CRADD: variants seen among roughly 807,000 people sequenced by gnomAD.
CRADD encodes CARD and death domain containing adaptor protein, also known as death domain-containing protein CRADD.
A neutral mutation model predicts 15.5 loss-of-function variants in CRADD; 9 were observed. The ratio of observed to expected loss-of-function variants is 0.58; its 90% confidence interval spans 0.35 to 1.01. The LOEUF is 1.01. CRADD is among the 50% of genes least tolerant of loss of function. CRADD has a pLI of 0.02. For missense variants in CRADD, 227 were observed against 250.3 expected, an observed-to-expected ratio of 0.91 and a Z score of 0.63; for synonymous variants, 118 against 107.6, an observed-to-expected ratio of 1.10 and a Z score of -0.60.
chr12:93,710,130 A>C (rs931431380), intron 2 of CRADD, among the ~76,000 whole-genome samples: 6 of 152,106 alleles, frequency 3.9e-5, no homozygotes, highest in African/African-American at 1.4e-4. Flanking sequence ...TGCTAGCATC[A>C]CTAATACAGC....
intron 2 of CRADD, among the ~76,000 whole-genome samples, chr12:93,700,736 G>A (rs1282063015): frequency 6.6e-6 from 1 of 152,096 alleles, no homozygotes; most frequent in Non-Finnish European, 1.5e-5. Flanking sequence ...GGTCCAGTTT[G>A]TTTTTTAATG....
chr12:93,861,896 T>C (rs1025297485), intron 2 of CRADD, among the ~76,000 whole-genome samples: 7 of 152,168 alleles, frequency 4.6e-5, no homozygotes, highest in African/African-American at 1.7e-4. Flanking sequence ...CCTTGAATTG[T>C]AATAATCCCC....
At chr12:93,811,270 C>T (rs945117040) in intron 2 of CRADD, among the ~76,000 whole-genome samples, 3 of 152,208 alleles carry the variant, frequency 2.0e-5, no homozygotes, top group Non-Finnish European at 2.9e-5. Context: ...GCCAGATTCA[C>T]AGTGCCTTAC....
chr12:93,757,983 T>G (rs1303555692), intron 2 of CRADD, among the ~76,000 whole-genome samples: 1 of 152,162 alleles, frequency 6.6e-6, no homozygotes, highest in African/African-American at 2.4e-5. Flanking sequence ...CAGCATACAT[T>G]GGAAGAAGAG....
At chr12:93,711,712 C>T (rs898687406) in intron 2 of CRADD, among the ~76,000 whole-genome samples, 3 of 151,404 alleles carry the variant, frequency 2.0e-5, no homozygotes, top group African/African-American at 7.3e-5. Context: ...ATTCAAGCCT[C>T]AGCCCAGAGG....
chr12:93,812,670 A>T (rs1369601942), intron 2 of CRADD, among the ~76,000 whole-genome samples: 3 of 152,242 alleles, frequency 2.0e-5, no homozygotes, highest in Non-Finnish European at 4.4e-5. Flanking sequence ...TACCCTTTAT[A>T]ACCAGGGATT....
intron 2 of CRADD, among the ~76,000 whole-genome samples, chr12:93,863,753 A>G (rs1477986017): frequency 6.6e-6 from 1 of 152,246 alleles, no homozygotes; most frequent in Non-Finnish European, 1.5e-5. Context: ...CCAAAATACC[A>G]GTAACACCCC....
At chr12:93,707,958 A>G (rs369257592) in intron 2 of CRADD, 1 of 152,236 alleles carries the variant, frequency 6.6e-6, no homozygotes, top group Non-Finnish European at 1.5e-5. Context: ...TGGAGACTCT[A>G]AAAGTGGCAT....
At chr12:93,860,413 C>A (rs1355950097) in intron 2 of CRADD, among the ~76,000 whole-genome samples, 2 of 152,170 alleles carry the variant, frequency 1.3e-5, no homozygotes, top group Admixed American at 1.3e-4. Context: ...TTTTGAGCAC[C>A]TGCCATGTGC....
intron 2 of CRADD, among the ~76,000 whole-genome samples, chr12:93,866,560 T>A (rs78758632): frequency 0.01 from 1,535 of 152,326 alleles, 33 homozygotes; most frequent in African/African-American, 0.035. Flanking sequence ...TCTTTGTTTT[T>A]AGTCTCTGCC....
chr12:93,766,766 T>C (rs1283169419), intron 2 of CRADD, among the ~76,000 whole-genome samples: 3 of 152,232 alleles, frequency 2.0e-5, no homozygotes, highest in Admixed American at 6.5e-5. Flanking sequence ...TGCTGGAAGA[T>C]AAAGAGTCAG....
chr12:93,797,465 G>C (rs1216453982), intron 2 of CRADD, among the ~76,000 whole-genome samples: 1 of 152,208 alleles, frequency 6.6e-6, no homozygotes, highest in Non-Finnish European at 1.5e-5. Flanking sequence ...AGGAATGAAG[G>C]AGGCCCTGAG....
chr12:93,887,160 A>G (rs1034184606), intron 2 of CRADD, among the ~76,000 whole-genome samples: 1 of 152,194 alleles, frequency 6.6e-6, no homozygotes, highest in Non-Finnish European at 1.5e-5. Context: ...TCTGTGGGGA[A>G]ATATGAGAAT....
At chr12:93,880,380 A>C (rs903039142) in intron 2 of CRADD, among the ~76,000 whole-genome samples, 28 of 152,158 alleles carry the variant, frequency 1.8e-4, no homozygotes, top group African/African-American at 6.8e-4. Context: ...GAAGGCTTTG[A>C]ATACAATTAT....
chr12:93,743,679 C>T (rs111461317), intron 2 of CRADD, among the ~76,000 whole-genome samples: 3 of 152,240 alleles, frequency 2.0e-5, no homozygotes, highest in African/African-American at 7.2e-5. Context: ...GCTTGAAGAC[C>T]GTGATGAGTG....
At chr12:93,794,635 A>G (rs999242093) in intron 2 of CRADD, among the ~76,000 whole-genome samples, 4 of 151,942 alleles carry the variant, frequency 2.6e-5, no homozygotes, top group African/African-American at 9.7e-5. Flanking sequence ...TCACCTCCTA[A>G]TCCATCTCTG....
chr12:93,795,470 A>G (rs146090456), intron 2 of CRADD, among the ~76,000 whole-genome samples: 140 of 152,214 alleles, frequency 9.2e-4, no homozygotes, highest in Non-Finnish European at 1.7e-3. Context: ...CCAGTTTCCT[A>G]GTTTCTCAGA....
rs979707982 is a variant in CRADD at position 93,871,496 on chromosome 12, G to A, written c.299-22554G>A. Among the ~76,000 whole-genome samples, 4 of 152,118 alleles carry A rather than the reference G, an allele frequency of 2.6e-5. No homozygotes were observed. In the East Asian group the frequency reaches 7.7e-4, roughly 29 times the overall value. ...ACCCTGTTTTGCTATCAAATAGTAG[G>A]TCTTATTCATTCTTTCTAACTGTTA... On this transcript the variant is annotated intron_variant, in intron 2 of 2. Coordinates refer to the CRADD transcript ENST00000548483.
At chr12:93,841,777 A>G (rs1958049981) in intron 2 of CRADD, among the ~76,000 whole-genome samples, 3 of 152,160 alleles carry the variant, frequency 2.0e-5, no homozygotes, top group Admixed American at 1.3e-4. Flanking sequence ...AGCAGGATTT[A>G]GCCCTGTCTT....
Sources: allele counts gnomAD v4.1 joint callset (sites outside exome capture counted in the v4.1 genomes callset), GRCh38; gene constraint gnomAD v4.1.1; transcripts MANE v1.5; gene names NCBI Gene and HGNC (gene_info 2026-07-23, HGNC 2026-07-21).